MAGI3: variants seen among roughly 807,000 people sequenced by gnomAD.
MAGI3 encodes the protein membrane associated guanylate kinase, WW and PDZ domain containing 3.
Under a neutral mutation model 121.8 loss-of-function variants are expected in MAGI3, and 43 were observed. That is an observed-to-expected ratio of 0.35 (90% CI 0.28 to 0.46). MAGI3 has a LOEUF of 0.46. Among genes scored for constraint, MAGI3 ranks in the 20% least tolerant of loss-of-function variants. The probability of loss-of-function intolerance (pLI) is 1.00; values close to 1 mark genes in which losing one functional copy is unlikely to be tolerated. For missense variants in MAGI3, 1,547 were observed against 1,797.3 expected, an observed-to-expected ratio of 0.86 and a Z score of 2.52; for synonymous variants, 553 against 639.3, an observed-to-expected ratio of 0.86 and a Z score of 2.04.
chr1:113,606,449 C>T (rs998166114), intron 6 of MAGI3, among the ~76,000 whole-genome samples: 9 of 151,754 alleles, frequency 5.9e-5, no homozygotes, highest in Non-Finnish European at 1.3e-4. Flanking sequence ...CTTTTACTGG[C>T]TTCCATTCTT....
rs564950724 is a variant in MAGI3, at chr1:113,403,045, T to A, written c.316+11696T>A. 4.6e-5 allele frequency among the ~76,000 whole-genome samples: 7 copies of A among 152,160 alleles called. No homozygotes were observed. The East Asian group carries it at 1.4e-3, about 29-fold the overall frequency. ...TACTCCTTTGCAATATCAGTCAGGG[T>A]TCAGTGCAGGAAACAGAAGGGGATA... On this transcript the variant is annotated intron_variant, in intron 1 of 20. Coordinates refer to ENST00000307546, the MANE Select transcript of MAGI3 (RefSeq NM_001142782.2).
intron 1 of MAGI3, among the ~76,000 whole-genome samples, chr1:113,437,532 A>G (rs1377632515): frequency 6.6e-6 from 1 of 152,180 alleles, no homozygotes; most frequent in Non-Finnish European, 1.5e-5. Flanking sequence ...GGATTACTTA[A>G]TAATTTTTCA....
At chr1:113,437,876 T>TTCTTCC (rs1653688447) in intron 1 of MAGI3, among the ~76,000 whole-genome samples, 2 of 3,276 alleles carry the variant, frequency 6.1e-4, no homozygotes, top group Non-Finnish European at 1.1e-3. Flanking sequence ...CTTCTTCTTC[T>TTCTTCC]TCTCCTTCTC....
chr1:113,478,715 TGAG>T (rs1655972620), intron 1 of MAGI3, among the ~76,000 whole-genome samples: 2 of 152,228 alleles, frequency 1.3e-5, no homozygotes, highest in East Asian at 1.9e-4. Flanking sequence ...GGGACCCACT[TGAG>T]GAGGCAGTCT....
chr1:113,491,347 A>G (rs1656657525), intron 1 of MAGI3, among the ~76,000 whole-genome samples: 1 of 152,232 alleles, frequency 6.6e-6, no homozygotes, highest in Admixed American at 6.5e-5. Flanking sequence ...AAGAGACAAC[A>G]TACCAGAATC....
At position 113,390,860 on chromosome 1, in the gene MAGI3, C is replaced by G. The variant is rs10857994; in HGVS notation, c.-174C>G. On this transcript the variant is annotated 5_prime_UTR_variant, in exon 1 of 21. Coordinates refer to ENST00000307546, the MANE Select transcript of MAGI3 (RefSeq NM_001142782.2). ...GGAGGGGCGTCCAAGGGGCGTCTCGCGTCTGGGAACGGCCGGGCCCCCAGC... is the reference window on the plus strand; with the variant it reads ...GGAGGGGCGTCCAAGGGGCGTCTCGGGTCTGGGAACGGCCGGGCCCCCAGC... 0.28 allele frequency: 85,224 copies of G among 308,648 alleles called. 13,694 individuals are homozygous for G. Among genetic ancestry groups the G allele is most frequent in the East Asian group, 0.65 (11,192 of 17,090 alleles). 19.1% of individuals were successfully genotyped at this position (308,648 alleles called of 1,614,324 possible).
At chr1:113,543,010 G>A (rs1659361711) in intron 1 of MAGI3, among the ~76,000 whole-genome samples, 1 of 151,886 alleles carries the variant, frequency 6.6e-6, no homozygotes, top group Non-Finnish European at 1.5e-5. Flanking sequence ...CATGAGGAGT[G>A]AGTTAAAACA....
chr1:113,549,499 T>TTTC lies in MAGI3; in HGVS notation c.317-14_317-13insCTT. ...ATGCATTTATTTTCTGTTTTTTTTT[T>TTTC]TTGTCTTTGCTCCAGGCAAAGTCAT... is the stretch of plus-strand genomic sequence containing the variant. On this transcript the variant is annotated splice_polypyrimidine_tract_variant and intron_variant, in intron 1 of 20. Coordinates refer to ENST00000307546, the MANE Select transcript of MAGI3 (RefSeq NM_001142782.2). 1 of 1,410,126 alleles carries TTTC rather than the reference T, an allele frequency of 7.1e-7. No individual in the cohort carries two copies. The highest frequency in any genetic ancestry group is 9.8e-7 in the Non-Finnish European group (1 of 1,019,114). The allele number at this position is 1,410,126 out of a possible 1,614,324, so 87.4% of individuals were successfully genotyped here. A position where few individuals can be genotyped will look rare whatever the true frequency, so the allele number is the denominator to read the frequency against.
intron 1 of MAGI3, among the ~76,000 whole-genome samples, chr1:113,505,201 G>A (rs1376097639): frequency 6.6e-6 from 1 of 152,066 alleles, no homozygotes; most frequent in African/African-American, 2.4e-5. Flanking sequence ...CAAGACTCAA[G>A]ATTTAAATTT....
At chr1:113,436,883 C>T (rs189715485) in intron 1 of MAGI3, among the ~76,000 whole-genome samples, 111 of 145,566 alleles carry the variant, frequency 7.6e-4, no homozygotes, top group African/African-American at 2.6e-3. Context: ...GCACTGATCT[C>T]GGCTCACTGC....
At chr1:113,459,627 A>G (rs1277307586) in intron 1 of MAGI3, among the ~76,000 whole-genome samples, 2 of 152,300 alleles carry the variant, frequency 1.3e-5, no homozygotes, top group East Asian at 1.9e-4. Flanking sequence ...TACATTCACC[A>G]TCTAATAACT....
intron 1 of MAGI3, among the ~76,000 whole-genome samples, chr1:113,400,120 A>G (rs955889792): frequency 2.0e-5 from 3 of 152,114 alleles, no homozygotes; most frequent in Admixed American, 6.5e-5. Flanking sequence ...TTTGGCAGAT[A>G]TTGCAGGATA....
At chr1:113,676,835 TCC>T (rs1380834367) in intron 19 of MAGI3, among the ~76,000 whole-genome samples, 4 of 152,270 alleles carry the variant, frequency 2.6e-5, no homozygotes, top group South Asian at 4.1e-4. Context: ...ATTCCGTATC[TCC>T]AGCACCTGAT....
chr1:113,659,014 G>T, intron 15 of MAGI3, 66 bp from the exon 16 acceptor site: 1 of 1,275,684 alleles, frequency 7.8e-7, no homozygotes, highest in South Asian at 1.4e-5. Context: ...AAATGACGTT[G>T]ATTATAAATC....
intron 1 of MAGI3, among the ~76,000 whole-genome samples, chr1:113,520,987 A>G (rs1658148048): frequency 1.3e-5 from 2 of 152,172 alleles, no homozygotes; most frequent in Admixed American, 6.5e-5. Context: ...GGTTTATCAC[A>G]GTAAGTCACT....
intron 1 of MAGI3, among the ~76,000 whole-genome samples, chr1:113,463,976 A>G (rs1463542914): frequency 1.3e-5 from 2 of 152,122 alleles, no homozygotes; most frequent in African/African-American, 4.8e-5. Flanking sequence ...TCATCACCTT[A>G]AATATTTGTC....
At chr1:113,638,110 T>C (rs1478924411) in intron 9 of MAGI3, among the ~76,000 whole-genome samples, 1 of 152,186 alleles carries the variant, frequency 6.6e-6, no homozygotes, top group East Asian at 1.9e-4. Flanking sequence ...TCTGTATTGG[T>C]TATTCTAGTT....
chr1:113,608,924 A>G (rs755145748), intron 6 of MAGI3, among the ~76,000 whole-genome samples: 9 of 152,202 alleles, frequency 5.9e-5, no homozygotes, highest in Non-Finnish European at 1.3e-4. Flanking sequence ...AGTGGACAGT[A>G]CATTTTATGA....
At chr1:113,542,436 C>A (rs1365025646) in intron 1 of MAGI3, among the ~76,000 whole-genome samples, 2 of 152,090 alleles carry the variant, frequency 1.3e-5, no homozygotes, top group Non-Finnish European at 2.9e-5. Flanking sequence ...ACTTTCAGAC[C>A]AAGGCTGACT....
Sources: allele counts gnomAD v4.1 joint callset (sites outside exome capture counted in the v4.1 genomes callset), GRCh38; gene constraint gnomAD v4.1.1; transcripts MANE v1.5; gene names NCBI Gene and HGNC (gene_info 2026-07-23, HGNC 2026-07-21).